DYM: variants seen among roughly 807,000 people sequenced by gnomAD.
The protein encoded by DYM is dyggve-Melchior-Clausen syndrome protein.
In DYM, 78 loss-of-function variants were observed where a neutral mutation model predicts 93.1. That is an observed-to-expected ratio of 0.84 (90% CI 0.70 to 1.01). DYM has a LOEUF of 1.01. Among genes scored for constraint, DYM ranks in the 50% least tolerant of loss-of-function variants. DYM has a pLI of 0.00. For missense variants in DYM, 789 were observed against 845.0 expected (o/e 0.93, Z 0.82); for synonymous variants, 321 against 319.7 (o/e 1.00, Z -0.04).
chr18:49,141,433 A>G (rs1256606433), intron 15 of DYM, among the ~76,000 whole-genome samples: 2 of 152,086 alleles, frequency 1.3e-5, no homozygotes, highest in Admixed American at 6.6e-5. Context: ...ATAGCCCTAC[A>G]ATGACCTATT....
At chr18:49,109,625 A>G (rs1037757451) in intron 16 of DYM, among the ~76,000 whole-genome samples, 1 of 152,206 alleles carries the variant, frequency 6.6e-6, no homozygotes, top group Non-Finnish European at 1.5e-5. Flanking sequence ...CAGTGATCAG[A>G]GCATCTGCAT....
intron 1 of DYM, among the ~76,000 whole-genome samples, chr18:49,442,985 G>C: frequency 6.6e-6 from 1 of 151,560 alleles, no homozygotes; most frequent in Non-Finnish European, 1.5e-5. Flanking sequence ...AGCCTCCCTA[G>C]TAGCTGGGAC....
chr18:49,131,059 T>C (rs955234907), intron 15 of DYM, among the ~76,000 whole-genome samples: 2 of 152,236 alleles, frequency 1.3e-5, no homozygotes, highest in East Asian at 1.9e-4. Context: ...AAACTATTTA[T>C]GGTCTTGCGT....
chr18:49,353,494 G>A (rs1194508054), intron 6 of DYM, among the ~76,000 whole-genome samples: 1 of 151,782 alleles, frequency 6.6e-6, no homozygotes, highest in Non-Finnish European at 1.5e-5. Context: ...AATTTACAAA[G>A]GGAAAGTCAA....
At chr18:49,190,684 A>C (rs900413516) in intron 14 of DYM, among the ~76,000 whole-genome samples, 2 of 152,224 alleles carry the variant, frequency 1.3e-5, no homozygotes, top group Non-Finnish European at 2.9e-5. Flanking sequence ...AAAAGTGTAC[A>C]TACAGTGCCT....
intron 2 of DYM, among the ~76,000 whole-genome samples, chr18:49,425,586 C>G (rs1306515032): frequency 6.6e-6 from 1 of 152,108 alleles, no homozygotes; most frequent in African/African-American, 2.4e-5. Context: ...GCAAAAGAAA[C>G]TACCATCAGA....
intron 14 of DYM, among the ~76,000 whole-genome samples, chr18:49,197,345 TA>T (rs1034386275): frequency 2.4e-4 from 37 of 151,172 alleles, no homozygotes; most frequent in African/African-American, 7.0e-4. Flanking sequence ...CCAAAAAGCA[TA>T]AAAAAAATGG....
intron 14 of DYM, among the ~76,000 whole-genome samples, chr18:49,200,696 C>A (rs949102414): frequency 3.9e-5 from 6 of 151,988 alleles, no homozygotes; most frequent in African/African-American, 1.4e-4. Flanking sequence ...ATACTTCTAG[C>A]ATATTTCTTT....
intron 14 of DYM, among the ~76,000 whole-genome samples, chr18:49,166,219 T>C (rs2087841155): frequency 6.6e-6 from 1 of 152,182 alleles, no homozygotes; most frequent in Admixed American, 6.5e-5. Flanking sequence ...AACAAATGCA[T>C]ACTGTATACA....
chr18:49,254,325 TAC>T (rs1555661313), intron 13 of DYM, among the ~76,000 whole-genome samples: 2 of 138,630 alleles, frequency 1.4e-5, no homozygotes, highest in Admixed American at 7.2e-5. Flanking sequence ...TATATATATA[TAC>T]ACACATAGAT....
intron 17 of DYM, among the ~76,000 whole-genome samples, chr18:49,078,570 G>C (rs1272504845): frequency 3.9e-5 from 6 of 152,062 alleles, no homozygotes; most frequent in Admixed American, 2.0e-4. Flanking sequence ...TCCCTTCTGG[G>C]ATTCTTCTAC....
chr18:49,145,422 T>C (rs1230163950), intron 15 of DYM, among the ~76,000 whole-genome samples: 1 of 152,092 alleles, frequency 6.6e-6, no homozygotes, highest in East Asian at 1.9e-4. Context: ...TCCTTTAAAC[T>C]TTTGTTTCAT....
intron 14 of DYM, among the ~76,000 whole-genome samples, chr18:49,172,418 C>G (rs896130994): frequency 6.6e-6 from 1 of 152,152 alleles, no homozygotes; most frequent in Non-Finnish European, 1.5e-5. Context: ...ACTGCTAAAC[C>G]GTTGCACATT....
In DYM at chr18:49,305,699, G is replaced by A. The variant is rs539739273; in HGVS notation, c.764-19083C>T. On this transcript the variant is annotated intron_variant, in intron 8 of 17. Transcript: ENST00000675505. ...TAAGCTGAATTATTCCTATCACAGTGTACAAATATGTAAAAATTTCCGATC... is the reference window on the plus strand; with the variant it reads ...TAAGCTGAATTATTCCTATCACAGTATACAAATATGTAAAAATTTCCGATC... Among the ~76,000 whole-genome samples, 3 of 152,250 alleles carry A rather than the reference G, an allele frequency of 2.0e-5. No homozygotes were observed. In the South Asian group the frequency reaches 6.2e-4, roughly 32 times the overall value.
At chr18:49,258,929 T>C (rs948946462) in intron 11 of DYM, among the ~76,000 whole-genome samples, 5 of 142,044 alleles carry the variant, frequency 3.5e-5, no homozygotes, top group Admixed American at 7.2e-5. Flanking sequence ...CTGGGCAGCA[T>C]AGCAGCCAAA....
intron 5 of DYM, among the ~76,000 whole-genome samples, chr18:49,364,393 T>A (rs115252449): frequency 6.6e-6 from 1 of 151,362 alleles, no homozygotes; most frequent in African/African-American, 2.4e-5. Context: ...TGCAGTGAAC[T>A]GAGGTCGCGC....
chr18:49,137,765 T>C (rs977949181), intron 15 of DYM, among the ~76,000 whole-genome samples: 12 of 152,168 alleles, frequency 7.9e-5, no homozygotes, highest in African/African-American at 2.9e-4. Flanking sequence ...CCAGTTCCAG[T>C]GGGACAGACT....
intron 6 of DYM, 65 bp from the exon 7 acceptor site, chr18:49,333,918 T>G: frequency 6.7e-7 from 1 of 1,492,876 alleles, no homozygotes; most frequent in Non-Finnish European, 9.2e-7. Flanking sequence ...CTTTTCTAAA[T>G]GAACTATACA....
intron 8 of DYM, among the ~76,000 whole-genome samples, chr18:49,288,560 A>G (rs12457860): frequency 1.3e-5 from 2 of 151,970 alleles, no homozygotes; most frequent in African/African-American, 2.4e-5. Context: ...AGATGGATCA[A>G]CTGAGGTCAG....
Sources: allele counts gnomAD v4.1 joint callset (sites outside exome capture counted in the v4.1 genomes callset), GRCh38; gene constraint gnomAD v4.1.1; transcripts MANE v1.5; gene names NCBI Gene and HGNC (gene_info 2026-07-23, HGNC 2026-07-21).